PTPRU: variants seen among roughly 807,000 people sequenced by gnomAD.
PTPRU encodes the protein receptor-type tyrosine-protein phosphatase U.
A neutral mutation model predicts 166.3 loss-of-function variants in PTPRU; 69 were observed. That is an observed-to-expected ratio of 0.41 (90% CI 0.34 to 0.51). The LOEUF is 0.51. Among genes scored for constraint, PTPRU ranks in the 20% least tolerant of loss-of-function variants. The pLI, the probability that PTPRU is intolerant of heterozygous loss-of-function variation, is 0.09. For missense variants in PTPRU, 1,657 were observed against 2,013.7 expected, an observed-to-expected ratio of 0.82 and a Z score of 3.39; for synonymous variants, 793 against 814.0, an observed-to-expected ratio of 0.97 and a Z score of 0.44.
chr1:29,325,370 T>TC (rs748319432), intron 29 of PTPRU, 44 bp downstream of exon 29: 1 of 1,605,136 alleles, frequency 6.2e-7, no homozygotes, highest in South Asian at 1.1e-5. Flanking sequence ...ACCTTCCTGG[T>TC]CCATGCCAGG....
Position 29,260,968 on chromosome 1 carries a change from C to G in PTPRU, c.1144+65C>G. The stretch of plus-strand genomic sequence containing the variant: ...GCCCAGGGCTATGGAGGGGCGCATT[C>G]GAGAGGTAGCGTGGCCTGTGCTTGT... On this transcript the variant is annotated intron_variant, in intron 7 of 29. Coordinates refer to ENST00000373779, the MANE Select transcript of PTPRU (RefSeq NM_133178.4). The surrounding 1 kb of genome is among the most constrained non-coding windows in gnomAD (Gnocchi z 8.3). 1 of 1,442,042 alleles carries G rather than the reference C, an allele frequency of 6.9e-7. No individual in the cohort carries two copies. Among genetic ancestry groups the G allele is most frequent in the Middle Eastern group, 1.9e-4 (1 of 5,336 alleles). The allele number at this position is 1,442,042 out of a possible 1,614,324, so 89.3% of individuals were successfully genotyped here. A position where few individuals can be genotyped will look rare whatever the true frequency, so the allele number is the denominator to read the frequency against.
chr1:29,305,450 T>C, intron 18 of PTPRU, 22 bp downstream of exon 18: 1 of 1,609,122 alleles, frequency 6.2e-7, no homozygotes, highest in Non-Finnish European at 8.5e-7. Context: ...GCCCTGTCAT[T>C]TCTGCAGACC....
At chr1:29,259,707 C>A in intron 5 of PTPRU, 143 bp downstream of exon 5, 2 of 1,251,536 alleles carry the variant, frequency 1.6e-6, no homozygotes, top group Non-Finnish European at 2.2e-6. Context: ...CCTAGCTCTG[C>A]TCTGCGCTTT....
chr1:29,281,953 C>G (rs1686099098), intron 11 of PTPRU, among the ~76,000 whole-genome samples: 1 of 152,190 alleles, frequency 6.6e-6, no homozygotes. Flanking sequence ...ATAGCAGAAA[C>G]CTATTTAGTA....
chr1:29,321,717 T>C (rs983289707), intron 26 of PTPRU, among the ~76,000 whole-genome samples: 4 of 152,232 alleles, frequency 2.6e-5, no homozygotes, highest in Non-Finnish European at 5.9e-5. Context: ...CTTGTGGGGT[T>C]ATTGTGAGGA....
chr1:29,261,858 T>G (rs904367626), intron 7 of PTPRU, among the ~76,000 whole-genome samples: 1 of 152,106 alleles, frequency 6.6e-6, no homozygotes, highest in Non-Finnish European at 1.5e-5. Context: ...ATGGACTTAC[T>G]AAGATAAATG....
At chr1:29,313,680 A>C (rs541574616) in intron 22 of PTPRU, among the ~76,000 whole-genome samples, 282 of 152,190 alleles carry the variant, frequency 1.9e-3, no homozygotes, top group African/African-American at 6.6e-3. Flanking sequence ...ACATAGTGAG[A>C]CCTCATTGCT....
Position 29,291,190 on chromosome 1 carries a change from T to C in PTPRU, c.2319-679T>C, listed in dbSNP as rs1686612236. ...TGCTCTGAGCAGCAGGACGGACTGG[T>C]GGGCAGTGGTGGGAATCTGGACCTT... On this transcript the variant is annotated intron_variant, in intron 14 of 29. Coordinates refer to ENST00000373779, the MANE Select transcript of PTPRU (RefSeq NM_133178.4). This position sits in a 1 kb window ranked among gnomAD's most constrained non-coding sequence, Gnocchi z 4.1. 6.6e-6 allele frequency among the ~76,000 whole-genome samples: 1 copy of C among 152,058 alleles called. No individual in the cohort carries two copies. Among genetic ancestry groups the C allele is most frequent in the Admixed American group, 6.5e-5 (1 of 15,276 alleles).
In PTPRU at chr1:29,311,514, C is replaced by T. The variant is rs770246925; in HGVS notation, c.2916C>T (p.Ser972=). Residue 972 remains serine, a synonymous_variant, in exon 20 of 30, where the codon TCC becomes TCT. Transcript: ENST00000373779. The surrounding 1 kb of genome is among the most constrained non-coding windows in gnomAD (Gnocchi z 4.1). The part of the protein sequence containing the change: ...FWRMVWQEHC[S]SIVMITKLVE... ...GTATGGTGTGGCAGGAGCACTGTTC[C>T]AGCATCGTCATGATCACCAAGCTGG... 30 of 1,614,056 alleles carry T rather than the reference C, an allele frequency of 1.9e-5. No individual in the cohort carries two copies. The highest frequency in any genetic ancestry group is 2.5e-5 in the Non-Finnish European group (29 of 1,180,052).
intron 25 of PTPRU, among the ~76,000 whole-genome samples, chr1:29,318,992 G>T (rs1416617376): frequency 6.6e-6 from 1 of 152,188 alleles, no homozygotes; most frequent in Non-Finnish European, 1.5e-5. Context: ...AGGACAGTGC[G>T]GGGGACAGCG....
At chr1:29,256,212 T>A (rs1020753068) in intron 2 of PTPRU, among the ~76,000 whole-genome samples, 2 of 152,176 alleles carry the variant, frequency 1.3e-5, no homozygotes, top group African/African-American at 4.8e-5. Flanking sequence ...TTAATTGCTA[T>A]GGTTGAGGGT....
rs372953195 is a variant in PTPRU, at chr1:29,286,452, C to G, written c.2318+1583C>G. On this transcript the variant is annotated intron_variant, in intron 14 of 29. Coordinates refer to ENST00000373779, the MANE Select transcript of PTPRU (RefSeq NM_133178.4). ...GAAACTGTAATGAAAGCACCTTGCC[C>G]AGGCCACTTGGCTGATGAGCAGTAG... 1.1e-4 allele frequency among the ~76,000 whole-genome samples: 17 copies of G among 152,238 alleles called. 1 individual carries two copies. Among genetic ancestry groups the G allele is most frequent in the African/African-American group, 4.1e-4 (17 of 41,534 alleles).
chr1:29,289,835 T>C, intron 14 of PTPRU: 1 of 1,123,520 alleles, frequency 8.9e-7, no homozygotes, highest in African/African-American at 1.5e-5. Context: ...CACCCGGTTC[T>C]CTCTGGTCAC....
chr1:29,283,735 C>G, intron 12 of PTPRU: 1 of 603,954 alleles, frequency 1.7e-6, no homozygotes. Flanking sequence ...TCTCATCCCC[C>G]TTTCCTAAGG....
chr1:29,296,808 C>T (rs1043130294), intron 15 of PTPRU, among the ~76,000 whole-genome samples: 5 of 151,990 alleles, frequency 3.3e-5, no homozygotes, highest in African/African-American at 1.2e-4. Context: ...AGGTGTGAGC[C>T]ACCGTGTCTG....
rs765769197 is a variant in PTPRU, at chr1:29,280,010, C to T, written c.1766-29C>T. On this transcript the variant is annotated intron_variant, in intron 10 of 29. Transcript: ENST00000373779. This position sits in a 1 kb window ranked among gnomAD's most constrained non-coding sequence, Gnocchi z 4.2. The stretch of plus-strand genomic sequence containing the variant: ...GTCTTCCTGGTCCAGTGGCCAAGCT[C>T]CAGCTTGTGACCCTGTCCCCTTCTC... 7 of 1,589,704 alleles carry T rather than the reference C, an allele frequency of 4.4e-6. No individual in the cohort carries two copies. Among genetic ancestry groups the T allele is most frequent in the Non-Finnish European group, 6.0e-6 (7 of 1,158,676 alleles).
chr1:29,284,501 G>C (rs894350430), intron 13 of PTPRU, among the ~76,000 whole-genome samples: 11 of 152,172 alleles, frequency 7.2e-5, no homozygotes, highest in African/African-American at 2.4e-4. Flanking sequence ...AGTGGGAAGC[G>C]AGGGAAGCTA....
intron 18 of PTPRU, among the ~76,000 whole-genome samples, chr1:29,306,227 G>A (rs1687384307): frequency 6.6e-6 from 1 of 152,344 alleles, no homozygotes; most frequent in South Asian, 2.1e-4. Context: ...CCTGGGCTTG[G>A]GTGTCAAAGA....
intron 7 of PTPRU, among the ~76,000 whole-genome samples, chr1:29,261,780 G>A (rs1051748760): frequency 1.3e-5 from 2 of 152,152 alleles, no homozygotes; most frequent in South Asian, 4.2e-4. Context: ...TGATCCACCC[G>A]CCTCGGCCTT....
Sources: gnomAD v4.1 joint callset for allele counts (sites outside exome capture counted in the v4.1 genomes callset) on GRCh38, gnomAD v4.1.1 for gene constraint, Gnocchi (gnomAD v3.1) non-coding constraint, MANE v1.5 for transcripts, NCBI Gene and HGNC (gene_info 2026-07-23, HGNC 2026-07-21) for gene names.